ESRRG: variants seen among roughly 807,000 people sequenced by gnomAD.
ESRRG encodes estrogen related receptor gamma, also known as estrogen-related receptor gamma.
In ESRRG, 13 loss-of-function variants were observed where a neutral mutation model predicts 44.0. The observed-to-expected ratio is 0.30, with a 90% CI of 0.19 to 0.47. The LOEUF is 0.47. Among genes scored for constraint, ESRRG ranks in the 20% least tolerant of loss-of-function variants. The pLI is 1.00. For missense variants in ESRRG, 395 were observed against 580.6 expected, an observed-to-expected ratio of 0.68 and a Z score of 3.29; for synonymous variants, 215 against 214.6, an observed-to-expected ratio of 1.00 and a Z score of -0.02.
intron 1 of ESRRG, among the ~76,000 whole-genome samples, chr1:216,978,080 T>C (rs532832369): frequency 1.4e-4 from 21 of 152,212 alleles, no homozygotes; most frequent in Admixed American, 8.5e-4. Flanking sequence ...GTCGGCTGTA[T>C]TATGTTATAG....
intron 1 of ESRRG, among the ~76,000 whole-genome samples, chr1:216,682,616 A>G (rs2077210529): frequency 6.6e-6 from 1 of 152,080 alleles, no homozygotes; most frequent in African/African-American, 2.4e-5. Flanking sequence ...AAATGAATCT[A>G]TGGGGACTGG....
intron 2 of ESRRG, among the ~76,000 whole-genome samples, chr1:216,759,911 A>G (rs1471128194): frequency 6.6e-6 from 1 of 152,086 alleles, no homozygotes; most frequent in African/African-American, 2.4e-5. Context: ...AGCCTAGTAC[A>G]TTATCATCCC....
chr1:216,819,961 T>C (rs1249732006), intron 2 of ESRRG, among the ~76,000 whole-genome samples: 2 of 152,100 alleles, frequency 1.3e-5, no homozygotes, highest in Non-Finnish European at 2.9e-5. Context: ...TGCCAAGTAA[T>C]AGAGAGACAT....
intron 1 of ESRRG, among the ~76,000 whole-genome samples, chr1:217,135,820 G>C (rs1241897774): frequency 1.3e-5 from 2 of 152,174 alleles, no homozygotes; most frequent in Non-Finnish European, 2.9e-5. Context: ...AGCGGGCGCG[G>C]GGATTCGGGC....
intron 1 of ESRRG, among the ~76,000 whole-genome samples, chr1:217,026,786 CAG>C (rs1368873367): frequency 6.6e-6 from 1 of 151,926 alleles, no homozygotes; most frequent in African/African-American, 2.4e-5. Flanking sequence ...ACATTCCATG[CAG>C]AGTCCCCAGT....
chr1:216,568,363 G>A (rs1312466132), intron 3 of ESRRG, among the ~76,000 whole-genome samples: 1 of 152,196 alleles, frequency 6.6e-6, no homozygotes, highest in Non-Finnish European at 1.5e-5. Context: ...AGAAAAGGCA[G>A]ATTTCCATGT....
chr1:217,009,706 T>TC (rs1168651614), intron 1 of ESRRG, among the ~76,000 whole-genome samples: 3 of 142,224 alleles, frequency 2.1e-5, no homozygotes, highest in Non-Finnish European at 4.6e-5. Flanking sequence ...CTTTTTCTTT[T>TC]TTTTTTTTTT....
At chr1:216,702,279 C>T (rs1395284407) in intron 1 of ESRRG, among the ~76,000 whole-genome samples, 1 of 152,042 alleles carries the variant, frequency 6.6e-6, no homozygotes, top group South Asian at 2.1e-4. Flanking sequence ...ATTCTCTAGT[C>T]TTATGAGAGA....
chr1:216,773,164 G>A (rs959804956), intron 2 of ESRRG, among the ~76,000 whole-genome samples: 1 of 152,050 alleles, frequency 6.6e-6, no homozygotes, highest in Non-Finnish European at 1.5e-5. Context: ...AACTTAAAAT[G>A]TGTATGCCTT....
chr1:216,793,773 T>G (rs2094395018), intron 2 of ESRRG, among the ~76,000 whole-genome samples: 1 of 152,202 alleles, frequency 6.6e-6, no homozygotes, highest in Non-Finnish European at 1.5e-5. Flanking sequence ...GTTTTGCTTT[T>G]CTTCTAATTT....
At chr1:216,573,256 T>G (rs1264512784) in intron 3 of ESRRG, among the ~76,000 whole-genome samples, 5 of 152,006 alleles carry the variant, frequency 3.3e-5, no homozygotes, top group Admixed American at 2.6e-4. Context: ...TTAAATATTA[T>G]GCAAAGAATA....
intron 2 of ESRRG, among the ~76,000 whole-genome samples, chr1:216,884,556 G>T (rs552318666): frequency 1.3e-5 from 2 of 152,302 alleles, no homozygotes; most frequent in East Asian, 3.9e-4. Context: ...GCTTGTCAGA[G>T]GCCTTCAAAA....
intron 1 of ESRRG, among the ~76,000 whole-genome samples, chr1:216,684,319 C>T (rs2077547541): frequency 6.6e-6 from 1 of 152,202 alleles, no homozygotes; most frequent in African/African-American, 2.4e-5. Flanking sequence ...CAATGTGTTG[C>T]ACATTATGAT....
intron 2 of ESRRG, among the ~76,000 whole-genome samples, chr1:216,877,379 GTTTTTT>G (rs72314566): frequency 1.4e-5 from 2 of 141,146 alleles, no homozygotes; most frequent in African/African-American, 2.5e-5. Context: ...TAGGTATGGT[GTTTTTT>G]TTTGTTTGTT....
rs57817803 is a variant in ESRRG at position 216,625,423 on chromosome 1, C to CAAAAA, written c.589+25545_589+25549dup. On this transcript the variant is annotated intron_variant, in intron 3 of 6. Coordinates refer to ENST00000408911, the MANE Select transcript of ESRRG (RefSeq NM_001438.4). ...AAACTCTTTACTGATGCTCATTTGG[C>CAAAAA]AAAAAAAAAAAAAAAAATCTATATT... Among the ~76,000 whole-genome samples, 86 of 115,692 alleles carry CAAAAA rather than the reference C, an allele frequency of 7.4e-4. 4 individuals are homozygous for CAAAAA. Among genetic ancestry groups the CAAAAA allele is most frequent in the East Asian group, 4.0e-3 (14 of 3,530 alleles). The allele number at this position is 115,692 out of a possible 152,430, so 75.9% of individuals were successfully genotyped here. A position where few individuals can be genotyped will look rare whatever the true frequency, so the allele number is the denominator to read the frequency against.
Position 216,541,819 on chromosome 1 carries a change from T to G in ESRRG, c.863-22398A>C, listed in dbSNP as rs568505042. Among the ~76,000 whole-genome samples the G allele has an allele frequency of 1.8e-3, 280 of 152,104 alleles. 1 individual carries two copies. The highest frequency in any genetic ancestry group is 6.4e-3 in the African/African-American group (264 of 41,524). ...CTTTCAGCCAAACCTTTAGTTTTTC[T>G]CAGATAGTCCATTTACCTTTATCCT... On this transcript the variant is annotated intron_variant, in intron 5 of 6. Coordinates refer to ENST00000408911, the MANE Select transcript of ESRRG (RefSeq NM_001438.4).
chr1:216,917,637 A>G (rs774610960), intron 2 of ESRRG, among the ~76,000 whole-genome samples: 2 of 152,160 alleles, frequency 1.3e-5, no homozygotes, highest in Admixed American at 1.3e-4. Context: ...CCTTTCCCAC[A>G]AGAGCAGAGT....
At chr1:216,729,914 C>T (rs142240890) in intron 2 of ESRRG, among the ~76,000 whole-genome samples, 5 of 152,246 alleles carry the variant, frequency 3.3e-5, no homozygotes, top group African/African-American at 9.6e-5. Context: ...TGAATGGCCA[C>T]TAATCTATGG....
intron 2 of ESRRG, among the ~76,000 whole-genome samples, chr1:216,659,445 T>C (rs2071667182): frequency 6.6e-6 from 1 of 152,214 alleles, no homozygotes; most frequent in African/African-American, 2.4e-5. Flanking sequence ...GAACACTTCC[T>C]GTCTCTACCT....
Sources: allele counts gnomAD v4.1 joint callset (sites outside exome capture counted in the v4.1 genomes callset), GRCh38; gene constraint gnomAD v4.1.1; transcripts MANE v1.5; gene names NCBI Gene and HGNC (gene_info 2026-07-23, HGNC 2026-07-21).